SPNS3: variants seen among roughly 807,000 people sequenced by gnomAD.
The protein encoded by SPNS3 is protein spinster homolog 3.
A neutral mutation model predicts 54.4 loss-of-function variants in SPNS3; 51 were observed. That is an observed-to-expected ratio of 0.94 (90% confidence interval 0.75 to 1.18). The LOEUF (loss-of-function observed/expected upper bound fraction) is 1.18. SPNS3 is among the 50% of genes most tolerant of loss of function. The probability of loss-of-function intolerance (pLI) is 0.00; values close to 1 mark genes in which losing one functional copy is unlikely to be tolerated. For missense variants in SPNS3, 669 were observed against 677.4 expected, an observed-to-expected ratio of 0.99 and a Z score of 0.14; for synonymous variants, 309 against 294.7, an observed-to-expected ratio of 1.05 and a Z score of -0.50.
chr17:4,458,070 A>G (rs2144094103), intron 8 of SPNS3, among the ~76,000 whole-genome samples: 1 of 150,956 alleles, frequency 6.6e-6, no homozygotes, highest in East Asian at 2.0e-4. Flanking sequence ...CTGACCTGAG[A>G]TTCAGGCTCC....
intron 8 of SPNS3, among the ~76,000 whole-genome samples, chr17:4,460,623 T>TC (rs35008996): frequency 3.6e-4 from 55 of 150,850 alleles, no homozygotes; most frequent in Middle Eastern, 3.4e-3. Flanking sequence ...TTTTTTTTTT[T>TC]AGTAGAGACG....
At chr17:4,461,803 A>G (rs1971514020) in intron 8 of SPNS3, among the ~76,000 whole-genome samples, 1 of 152,110 alleles carries the variant, frequency 6.6e-6, no homozygotes, top group African/African-American at 2.4e-5. Flanking sequence ...CAGGAAAGTG[A>G]GCAGGAGCAG....
intron 8 of SPNS3, among the ~76,000 whole-genome samples, chr17:4,475,095 C>T (rs1971954104): frequency 6.6e-6 from 1 of 151,318 alleles, no homozygotes; most frequent in South Asian, 2.1e-4. Context: ...GTCTCTGTGG[C>T]CGGGGATGAC....
At chr17:4,485,745 G>A (rs749892993) in intron 9 of SPNS3, among the ~76,000 whole-genome samples, 11 of 152,190 alleles carry the variant, frequency 7.2e-5, no homozygotes, top group Non-Finnish European at 1.5e-4. Context: ...AGTCGTGCGG[G>A]CTTCTCCAGC....
At chr17:4,477,818 G>T (rs957626353) in intron 8 of SPNS3, among the ~76,000 whole-genome samples, 1 of 152,140 alleles carries the variant, frequency 6.6e-6, no homozygotes, top group Non-Finnish European at 1.5e-5. Flanking sequence ...AGGGTCCTTT[G>T]GTGGGGTGCC....
intron 3 of SPNS3, among the ~76,000 whole-genome samples, 200 bp downstream of exon 3, chr17:4,445,368 T>G (rs1021740412): frequency 1.5e-5 from 2 of 134,718 alleles, no homozygotes; most frequent in East Asian, 2.0e-4. Flanking sequence ...AGGGCAGAGC[T>G]GGTGGACTTT....
At chr17:4,437,888 G>A (rs896119788) in intron 1 of SPNS3, among the ~76,000 whole-genome samples, 1 of 151,578 alleles carries the variant, frequency 6.6e-6, no homozygotes, top group African/African-American at 2.4e-5. Context: ...CCAGGTTCAA[G>A]CGATTCTCCT....
intron 1 of SPNS3, among the ~76,000 whole-genome samples, chr17:4,435,745 C>G (rs947020153): frequency 6.7e-6 from 1 of 148,180 alleles, no homozygotes; most frequent in African/African-American, 2.4e-5. Flanking sequence ...CACTCATTCA[C>G]TAACTCACTC....
At position 4,462,910 on chromosome 17, in the gene SPNS3, G is replaced by A. The variant is rs193047114; in HGVS notation, c.1113+9705G>A. 3.1e-3 allele frequency among the ~76,000 whole-genome samples: 369 copies of A among 118,242 alleles called. 1 individual carries two copies. The highest frequency in any genetic ancestry group is 3.0e-3 in the Non-Finnish European group (180 of 60,846). The allele number at this position is 118,242 out of a possible 152,430, so 77.6% of individuals were successfully genotyped here. ...CCATCCATCCCTTCACTTCTCAGAT[G>A]GCAGGAACCAAAGTCCTTCCTGCAT... On this transcript the variant is annotated intron_variant, in intron 8 of 11. Transcript: ENST00000355530.
intron 8 of SPNS3, among the ~76,000 whole-genome samples, chr17:4,458,332 C>G (rs1341835986): frequency 6.7e-6 from 1 of 149,912 alleles, no homozygotes; most frequent in East Asian, 2.0e-4. Flanking sequence ...CTTTTCTTTC[C>G]CTCCCTCCCT....
intron 8 of SPNS3, among the ~76,000 whole-genome samples, chr17:4,476,076 C>T (rs561966210): frequency 2.0e-5 from 3 of 152,234 alleles, no homozygotes; most frequent in South Asian, 2.1e-4. Context: ...TGCGCCCGTC[C>T]ACCCCAGGAG....
Position 4,453,175 on chromosome 17 carries a change from C to T in SPNS3, c.1083C>T (p.Val361=). ...CCCCCTGCCTCTACCTGGCTCTCGT[C>T]CTGGCCCCGACCACCCTGCTGGCCT... The part of the protein sequence containing the change: ...ATAPCLYLAL[V]LAPTTLLASY... Residue 361 remains valine (V), a synonymous_variant, in exon 8 of 12, where the codon GTC becomes GTT. Coordinates refer to ENST00000355530, the MANE Select transcript of SPNS3 (RefSeq NM_182538.5). 2 of 1,613,696 alleles carry T rather than the reference C, an allele frequency of 1.2e-6. No individual in the cohort carries two copies.
At chr17:4,476,548 G>A (rs536127892) in intron 8 of SPNS3, among the ~76,000 whole-genome samples, 10 of 152,294 alleles carry the variant, frequency 6.6e-5, no homozygotes, top group Non-Finnish European at 1.3e-4. Flanking sequence ...GCAGGTGCCC[G>A]GAAGAAGTCA....
Position 4,486,486 on chromosome 17 carries a change from G to A in SPNS3, c.1353G>A (p.Leu451=). 1 of 1,613,668 alleles carries A rather than the reference G, an allele frequency of 6.2e-7. No homozygotes were observed. Among genetic ancestry groups the A allele is most frequent in the South Asian group, 1.1e-5 (1 of 91,076 alleles). Residue 451 remains leucine (L), a synonymous_variant, in exon 11 of 12, where the codon CTG becomes CTA. Coordinates refer to ENST00000355530, the MANE Select transcript of SPNS3 (RefSeq NM_182538.5). This position sits in a 1 kb window ranked among gnomAD's most constrained non-coding sequence, Gnocchi z 5.5. The part of the protein sequence containing the change: ...QRFRSLQQSF[L]CCAFVIALGG... ...TCCGCAGCCTGCAGCAGAGCTTCCTGTGCTGCGCCTTTGTCATCGCCCTGG... is the reference window on the plus strand; with the variant it reads ...TCCGCAGCCTGCAGCAGAGCTTCCTATGCTGCGCCTTTGTCATCGCCCTGG...
chr17:4,448,397 C>T, intron 6 of SPNS3, 94 bp downstream of exon 6: 8 of 1,252,894 alleles, frequency 6.4e-6, no homozygotes, highest in East Asian at 3.0e-5. Flanking sequence ...AGGGAGCCCT[C>T]CCTGGTTGTC....
At chr17:4,440,135 C>T (rs868461012) in intron 2 of SPNS3, among the ~76,000 whole-genome samples, 1 of 152,150 alleles carries the variant, frequency 6.6e-6, no homozygotes, top group Non-Finnish European at 1.5e-5. Context: ...AACAGACAGA[C>T]ACAGACAGGC....
In SPNS3 at chr17:4,485,065, T is replaced by C. The variant is rs541700945; in HGVS notation, c.1180-1163T>C. The stretch of plus-strand genomic sequence containing the variant: ...CTCTGAGAGGGCTTCACAGAGGAGA[T>C]GACCGAAACGTAAGTCCTAAATGAC... On this transcript the variant is annotated intron_variant, in intron 9 of 11. Transcript: ENST00000355530. 2.6e-5 allele frequency: 4 copies of C among 152,152 alleles called. 1 individual carries two copies. In the South Asian group the frequency reaches 6.2e-4, roughly 24 times the overall value. The allele number at this position is 152,152 out of a possible 1,614,324, so 9.4% of individuals were successfully genotyped here.
At chr17:4,444,891 C>A in intron 2 of SPNS3, 141 bp from the exon 3 acceptor site, 1 of 1,028,530 alleles carries the variant, frequency 9.7e-7, no homozygotes, top group East Asian at 2.4e-5. Context: ...TTCACCTTAT[C>A]TTTTCTTCCT....
chr17:4,451,253 T>G (rs1414058019), intron 7 of SPNS3, among the ~76,000 whole-genome samples: 1 of 99,866 alleles, frequency 1.0e-5, no homozygotes, highest in African/African-American at 3.0e-5. Flanking sequence ...CTTCTTTGTT[T>G]TTTTTTTTTT....
Sources: allele counts gnomAD v4.1 joint callset (sites outside exome capture counted in the v4.1 genomes callset), GRCh38; gene constraint gnomAD v4.1.1; non-coding constraint Gnocchi (gnomAD v3.1); transcripts MANE v1.5; gene names NCBI Gene and HGNC (gene_info 2026-07-23, HGNC 2026-07-21).